Variants in MORC3 observed in about 807,000 individuals in gnomAD.
MORC3 encodes MORC family CW-type zinc finger protein 3.
A neutral mutation model predicts 109.1 loss-of-function variants in MORC3; 31 were observed. The observed-to-expected ratio is 0.28, with a 90% CI of 0.21 to 0.38. MORC3 has a LOEUF of 0.38. MORC3 is among the 10% of genes least tolerant of loss of function. MORC3 has a pLI of 1.00. For missense variants in MORC3, 867 were observed against 1,135.8 expected, an observed-to-expected ratio of 0.76 and a Z score of 3.40; for synonymous variants, 395 against 380.7, an observed-to-expected ratio of 1.04 and a Z score of -0.44.
At chr21:36,358,938 C>T (rs2085680239) in intron 10 of MORC3, among the ~76,000 whole-genome samples, 1 of 152,102 alleles carries the variant, frequency 6.6e-6, no homozygotes, top group African/African-American at 2.4e-5. Context: ...GTCAGCCTCC[C>T]AAAGTGCTGG....
intron 2 of MORC3, among the ~76,000 whole-genome samples, chr21:36,335,101 A>G (rs992344208): frequency 2.6e-5 from 4 of 152,208 alleles, no homozygotes; most frequent in Non-Finnish European, 5.9e-5. Context: ...AGCCTGGGCT[A>G]CAGTGAGACC....
intron 15 of MORC3, among the ~76,000 whole-genome samples, chr21:36,370,633 A>ATT (rs2085848041): frequency 1.9e-4 from 9 of 46,484 alleles, no homozygotes; most frequent in Non-Finnish European, 2.7e-4. Flanking sequence ...ATATATATAT[A>ATT]TATATATTTT....
intron 2 of MORC3, 100 bp from the exon 3 acceptor site, chr21:36,336,774 C>A: frequency 8.2e-7 from 1 of 1,215,358 alleles, no homozygotes; most frequent in Non-Finnish European, 1.1e-6. Flanking sequence ...TTAAAGTTGT[C>A]TTAAAACATA....
intron 9 of MORC3, among the ~76,000 whole-genome samples, chr21:36,353,779 G>GTTTTTTTTTTTT (rs2085606650): frequency 4.5e-5 from 1 of 22,288 alleles, no homozygotes; most frequent in Admixed American, 4.5e-4. Context: ...TTTTTTTTTA[G>GTTTTTTTTTTTT]TAAAGACAGA....
At chr21:36,355,871 A>G (rs914073335) in intron 9 of MORC3, among the ~76,000 whole-genome samples, 1 of 152,070 alleles carries the variant, frequency 6.6e-6, no homozygotes, top group Non-Finnish European at 1.5e-5. Context: ...CTACATATCA[A>G]GCAATTTATA....
Position 36,369,823 on chromosome 21 carries a change from G to A in MORC3, c.2455G>A (p.Val819Met). ...TGAGATGGCTGTGCAGCTTGACGAT[G>A]TGTTTAGACAACTGGACAAATGCAG... ...MDEMAVQLDD[V>M]FRQLDKCSIE... is the part of the protein sequence containing the mutation. Residue 819 changes from valine (V) to methionine (M), a missense_variant, in exon 15 of 17, where the codon GTG becomes ATG. By Grantham distance (21) the Val-to-Met change is conservative. Coordinates refer to ENST00000400485, the MANE Select transcript of MORC3 (RefSeq NM_015358.3). 6.2e-7 allele frequency: 1 copy of A among 1,613,968 alleles called. No homozygotes were observed. Among genetic ancestry groups the A allele is most frequent in the Non-Finnish European group, 8.5e-7 (1 of 1,180,038 alleles).
At chr21:36,326,080 G>A (rs1461541730) in intron 1 of MORC3, among the ~76,000 whole-genome samples, 6 of 151,756 alleles carry the variant, frequency 4.0e-5, no homozygotes, top group Middle Eastern at 6.9e-3. Flanking sequence ...GGTGGTGGGT[G>A]CCTGTAATCC....
intron 9 of MORC3, among the ~76,000 whole-genome samples, chr21:36,351,858 C>T (rs753360519): frequency 6.6e-6 from 1 of 152,050 alleles, no homozygotes; most frequent in African/African-American, 2.4e-5. Context: ...GAAAGAAAAT[C>T]AGTATATTTG....
intron 5 of MORC3, among the ~76,000 whole-genome samples, chr21:36,340,556 C>A (rs745323644): frequency 6.6e-6 from 1 of 150,570 alleles, no homozygotes; most frequent in Non-Finnish European, 1.5e-5. Flanking sequence ...TAACTCCTGG[C>A]GTTTTCCAGG....
intron 1 of MORC3, among the ~76,000 whole-genome samples, chr21:36,332,861 C>G (rs1307526115): frequency 1.3e-5 from 2 of 149,440 alleles, no homozygotes; most frequent in Non-Finnish European, 2.9e-5. Flanking sequence ...GATCTTGGCT[C>G]ACTGCAAGCT....
intron 1 of MORC3, among the ~76,000 whole-genome samples, chr21:36,322,517 G>A (rs564673854): frequency 3.9e-5 from 6 of 152,062 alleles, no homozygotes; most frequent in African/African-American, 1.4e-4. Context: ...GTTTACACGC[G>A]TGGGCCACCA....
At chr21:36,346,662 T>C (rs1247395170) in intron 8 of MORC3, among the ~76,000 whole-genome samples, 2 of 151,006 alleles carry the variant, frequency 1.3e-5, no homozygotes, top group Non-Finnish European at 3.0e-5. Flanking sequence ...ATACAAAAAT[T>C]AGCTGGGCCT....
Position 36,365,071 on chromosome 21 carries a change from C to T in MORC3, c.1619+812C>T, listed in dbSNP as rs375868802. Among the ~76,000 whole-genome samples, 19 of 88,334 alleles carry T rather than the reference C, an allele frequency of 2.2e-4. 1 individual carries two copies. The South Asian group carries it at 8.2e-3, about 38-fold the overall frequency. The allele number at this position is 88,334 out of a possible 152,430, so 58.0% of individuals were successfully genotyped here. The stretch of plus-strand genomic sequence containing the variant: ...CATCTCAAAAAAAAAAAAAAAAAAA[C>T]ATGAAGCAATTAACAGTACGACACT... On this transcript the variant is annotated intron_variant, in intron 14 of 16. Transcript: ENST00000400485.
chr21:36,320,635 G>A (rs1390792592), intron 1 of MORC3: 1 of 267,512 alleles, frequency 3.7e-6, no homozygotes, highest in Non-Finnish European at 7.0e-6. Context: ...TCGGGGCCGC[G>A]GGGCCCCTGA....
chr21:36,364,837 A>T (rs2085760788), intron 14 of MORC3, among the ~76,000 whole-genome samples: 1 of 150,368 alleles, frequency 6.7e-6, no homozygotes, highest in Non-Finnish European at 1.5e-5. Context: ...GGATCATTTG[A>T]GGTCAGGAGT....
intron 1 of MORC3, among the ~76,000 whole-genome samples, chr21:36,332,489 C>G (rs1241701631): frequency 6.6e-6 from 1 of 152,124 alleles, no homozygotes; most frequent in Non-Finnish European, 1.5e-5. Flanking sequence ...GCACTCTGGC[C>G]TGCAACGTGA....
chr21:36,352,398 T>TGGG (rs33993234), intron 9 of MORC3, among the ~76,000 whole-genome samples: 1 of 140,158 alleles, frequency 7.1e-6, no homozygotes, highest in African/African-American at 2.7e-5. Flanking sequence ...AAAAAAGGGG[T>TGGG]GGGGGGGGGC....
At chr21:36,325,157 A>G (rs573730244) in intron 1 of MORC3, among the ~76,000 whole-genome samples, 1 of 152,186 alleles carries the variant, frequency 6.6e-6, no homozygotes, top group Non-Finnish European at 1.5e-5. Context: ...GTATTTGTAG[A>G]CCATAAAAAA....
At chr21:36,332,387 A>G (rs1192390992) in intron 1 of MORC3, among the ~76,000 whole-genome samples, 1 of 152,160 alleles carries the variant, frequency 6.6e-6, no homozygotes. Context: ...AGTCAGCCGA[A>G]ATTGTGCCAC....
Sources: allele counts gnomAD v4.1 joint callset (sites outside exome capture counted in the v4.1 genomes callset), GRCh38; gene constraint gnomAD v4.1.1; transcripts MANE v1.5; gene names NCBI Gene and HGNC (gene_info 2026-07-23, HGNC 2026-07-21).